CASK: variants seen among roughly 807,000 people sequenced by gnomAD.
CASK encodes calcium/calmodulin dependent serine protein kinase.
In CASK, 4 loss-of-function variants were observed where a neutral mutation model predicts 82.9. That is an observed-to-expected ratio of 0.05 (90% CI 0.02 to 0.11). CASK has a LOEUF of 0.11. Ranked by LOEUF, CASK falls within the 10% of genes least tolerant of loss-of-function variation. The pLI, the probability that CASK is intolerant of heterozygous loss-of-function variation, is 1.00. For synonymous variants in CASK, 259 were observed against 253.5 expected (o/e 1.02, Z -0.20); for missense variants, 358 against 720.9 (o/e 0.50, Z 5.76).
At chrX:41,770,309 TACCTATCC>T (rs1325297861) in intron 3 of CASK, among the ~76,000 whole-genome samples, 1,653 of 100,879 alleles carry the variant, frequency 0.016, 25 homozygotes, top group Non-Finnish European at 0.024. Context: ...CCTACCTACC[TACCTATCC>T]ATCCATCCAT....
At chrX:41,859,984 C>T (rs1430276306) in intron 1 of CASK, among the ~76,000 whole-genome samples, 2 of 110,877 alleles carry the variant, frequency 1.8e-5, no homozygotes, top group South Asian at 7.6e-4. Context: ...CACATATATA[C>T]ACACATACAT....
chrX:41,575,042 A>C (rs1284355826), intron 15 of CASK, among the ~76,000 whole-genome samples: 1 of 112,334 alleles, frequency 8.9e-6, no homozygotes, highest in Non-Finnish European at 1.9e-5. Flanking sequence ...TTACTAAGAA[A>C]AGTGTTCCTG....
intron 5 of CASK, among the ~76,000 whole-genome samples, chrX:41,684,524 T>A (rs1440977601): frequency 9.0e-6 from 1 of 111,620 alleles, no homozygotes; most frequent in Non-Finnish European, 1.9e-5. Flanking sequence ...CGAGACAGGG[T>A]CTCACTTTGT....
At chrX:41,712,753 A>C (rs1169672320) in intron 5 of CASK, among the ~76,000 whole-genome samples, 1 of 112,548 alleles carries the variant, frequency 8.9e-6, no homozygotes, top group Non-Finnish European at 1.9e-5. Context: ...AAGATTTGCA[A>C]CTTACATCAC....
At chrX:41,524,671 G>A (rs1041000636) in intron 25 of CASK, 1 of 111,863 alleles carries the variant, frequency 8.9e-6, no homozygotes, top group African/African-American at 3.3e-5. Context: ...AAGACAGAAG[G>A]GCCTCTGAGA....
intron 8 of CASK, among the ~76,000 whole-genome samples, chrX:41,654,056 C>A (rs1269226097): frequency 8.9e-6 from 1 of 111,965 alleles, no homozygotes; most frequent in Non-Finnish European, 1.9e-5. Flanking sequence ...CCTATGCAGG[C>A]CATGTGGGAC....
At chrX:41,770,313 T>TATCCATCCATCCATCCATCC (rs772189964) in intron 3 of CASK, among the ~76,000 whole-genome samples, 1 of 95,904 alleles carries the variant, frequency 1.0e-5, no homozygotes, top group Admixed American at 1.1e-4. Flanking sequence ...CCTACCTACC[T>TATCCATCCATCCATCCATCC]ATCCATCCAT....
intron 5 of CASK, among the ~76,000 whole-genome samples, chrX:41,710,372 TA>T (rs1569412879): frequency 9.0e-6 from 1 of 111,022 alleles, no homozygotes; most frequent in Non-Finnish European, 1.9e-5. Context: ...TCCCCTATTC[TA>T]AACCTGCTAA....
At chrX:41,654,104 C>T (rs1458110287) in intron 8 of CASK, among the ~76,000 whole-genome samples, 2 of 112,019 alleles carry the variant, frequency 1.8e-5, no homozygotes, top group African/African-American at 3.3e-5. Context: ...TCACTGAATA[C>T]ATCCATTACT....
At chrX:41,696,977 C>T (rs1001752975) in intron 5 of CASK, 12 of 325,623 alleles carry the variant, frequency 3.7e-5, no homozygotes, top group Non-Finnish European at 1.1e-5. Context: ...TTTCAAAATA[C>T]ATTTTTAAGC....
At chrX:41,601,637 AACC>A (rs781682393) in intron 12 of CASK, among the ~76,000 whole-genome samples, 1 of 111,731 alleles carries the variant, frequency 9.0e-6, no homozygotes, top group South Asian at 3.7e-4. Flanking sequence ...ATAGTTGTAC[AACC>A]ACCATCTCAA....
intron 1 of CASK, among the ~76,000 whole-genome samples, chrX:41,884,052 T>C (rs2072001415): frequency 8.9e-6 from 1 of 111,944 alleles, no homozygotes; most frequent in Non-Finnish European, 1.9e-5. Flanking sequence ...AATTTCTCAC[T>C]GATCACAGAG....
chrX:41,731,160 C>T (rs979094132), intron 5 of CASK, among the ~76,000 whole-genome samples: 28 of 112,954 alleles, frequency 2.5e-4, no homozygotes, highest in Admixed American at 2.3e-3. Context: ...TGGCTCATGC[C>T]TGTAATCCCA....
rs1024148132 is a variant in CASK, at chrX:41,665,245, A to C, written c.708+32T>G. ...ACATTTTTCAGGATAAATTAATCTC[A>C]ATGGAAAAAGAAAATGTTCATGATG... On this transcript the variant is annotated intron_variant, in intron 7 of 26. Coordinates refer to ENST00000378163, the MANE Select transcript of CASK (RefSeq NM_001367721.1). The C allele has an allele frequency of 2.7e-6, 3 of 1,127,919 alleles. No homozygotes were observed. The African/African-American group carries it at 5.4e-5, about 20-fold the overall frequency. The allele number at this position is 1,127,919 out of a possible 1,213,427, so 93.0% of individuals were successfully genotyped here. A position where few individuals can be genotyped will look rare whatever the true frequency, so the allele number is the denominator to read the frequency against.
chrX:41,672,311 A>G (rs4587492), intron 5 of CASK, among the ~76,000 whole-genome samples: 13,276 of 110,107 alleles, frequency 0.12, 787 homozygotes, highest in Middle Eastern at 0.18. Context: ...CCTTTGTAGG[A>G]TGTTGTCCTC....
intron 12 of CASK, among the ~76,000 whole-genome samples, chrX:41,599,179 T>C (rs2065862616): frequency 8.9e-6 from 1 of 111,803 alleles, no homozygotes; most frequent in Non-Finnish European, 1.9e-5. Flanking sequence ...AATGGACAAC[T>C]GCTTACTGTA....
chrX:41,547,097 AT>A (rs779771974), intron 21 of CASK, among the ~76,000 whole-genome samples: 4 of 105,517 alleles, frequency 3.8e-5, no homozygotes, highest in African/African-American at 1.4e-4. Context: ...CGCTCAGCTA[AT>A]TTTTTTTGTA....
chrX:41,543,684 G>T (rs1468541328), intron 21 of CASK, among the ~76,000 whole-genome samples: 2 of 111,789 alleles, frequency 1.8e-5, no homozygotes, highest in African/African-American at 6.5e-5. Context: ...CTCTCCTAAT[G>T]ATTTTGCTCA....
chrX:41,911,843 T>C (rs936751832), intron 1 of CASK, among the ~76,000 whole-genome samples: 2 of 111,883 alleles, frequency 1.8e-5, no homozygotes, highest in Non-Finnish European at 3.8e-5. Flanking sequence ...AACTCAATAC[T>C]GTATTTTCTA....
Sources: gnomAD v4.1 joint callset for allele counts (sites outside exome capture counted in the v4.1 genomes callset) on GRCh38, gnomAD v4.1.1 for gene constraint, MANE v1.5 for transcripts, NCBI Gene and HGNC (gene_info 2026-07-23, HGNC 2026-07-21) for gene names.